Variants in PPARD observed in about 807,000 individuals in gnomAD.
The protein encoded by PPARD is peroxisome proliferator activated receptor delta.
In PPARD, 6 loss-of-function variants were observed where a neutral mutation model predicts 39.5. The ratio of observed to expected loss-of-function variants is 0.15; its 90% CI spans 0.08 to 0.30. The LOEUF (loss-of-function observed/expected upper bound fraction) is 0.30. PPARD is among the 10% of genes least tolerant of loss of function. The pLI is 1.00. For missense variants in PPARD, 397 were observed against 596.8 expected, an observed-to-expected ratio of 0.67 and a Z score of 3.49; for synonymous variants, 210 against 231.3, an observed-to-expected ratio of 0.91 and a Z score of 0.83.
chr6:35,424,072 A>G lies in PPARD; in HGVS notation c.551A>G (p.Asn184Ser). The G allele has an allele frequency of 1.2e-6, 2 of 1,614,122 alleles. No individual in the cohort carries two copies. Among genetic ancestry groups the G allele is most frequent in the East Asian group, 2.2e-5 (1 of 44,872 alleles). ...DLKAFSKHIY[N>S]AYLKNFNMTK... Reference sequence around the variant, plus strand: ...AAGGCCTTCTCCAAGCACATCTACAATGCCTACCTGAAAAACTTCAACATG... The same window carrying G: ...AAGGCCTTCTCCAAGCACATCTACAGTGCCTACCTGAAAAACTTCAACATG... The change falls in exon 6 of 8, where the codon AAT becomes AGT. Residue 184 changes from asparagine to serine, a missense_variant. Physicochemically the swap from Asn to Ser is conservative, Grantham distance 46. Coordinates refer to ENST00000360694, the MANE Select transcript of PPARD (RefSeq NM_006238.5). The surrounding 1 kb of genome is among the most constrained non-coding windows in gnomAD (Gnocchi z 7.1).
chr6:35,381,405 C>T lies in PPARD; in HGVS notation c.-101-29582C>T, dbSNP rs549060459. Among the ~76,000 whole-genome samples, 4 of 152,232 alleles carry T rather than the reference C, an allele frequency of 2.6e-5. No individual in the cohort carries two copies. In the East Asian group the frequency reaches 7.7e-4, roughly 29 times the overall value. On this transcript the variant is annotated intron_variant, in intron 2 of 7. Transcript: ENST00000360694. ...TAGGAATTCTATTTGGCAGCTAGAA[C>T]AGAAATAGCAGTGGCTTAAACCAGT...
At chr6:35,351,920 C>T (rs781718536) in intron 2 of PPARD, among the ~76,000 whole-genome samples, 9 of 131,180 alleles carry the variant, frequency 6.9e-5, no homozygotes, top group Non-Finnish European at 9.1e-5. Flanking sequence ...GGCTTGAGTG[C>T]GGTGGCACAG....
intron 2 of PPARD, among the ~76,000 whole-genome samples, chr6:35,378,290 G>T (rs1762936911): frequency 6.6e-6 from 1 of 152,154 alleles, no homozygotes; most frequent in Non-Finnish European, 1.5e-5. Flanking sequence ...TAATTGCATT[G>T]AATTTCTCTG....
In PPARD at chr6:35,355,271, G is replaced by A. The variant is rs183027986; in HGVS notation, c.-102+8121G>A. Among the ~76,000 whole-genome samples the A allele has an allele frequency of 7.3e-3, 1,114 of 152,114 alleles. 7 individuals are homozygous for A. The highest frequency in any genetic ancestry group is 0.017 in the Middle Eastern group (5 of 294). Reference sequence around the variant, plus strand: ...TTGAGACCAGCCTAGCCATCATGGGGAAACCCCATCTATACTAAAAATACA... The same window carrying A: ...TTGAGACCAGCCTAGCCATCATGGGAAAACCCCATCTATACTAAAAATACA... On this transcript the variant is annotated intron_variant, in intron 2 of 7. Coordinates refer to ENST00000360694, the MANE Select transcript of PPARD (RefSeq NM_006238.5).
intron 2 of PPARD, among the ~76,000 whole-genome samples, chr6:35,384,116 G>T (rs1763382304): frequency 6.9e-6 from 1 of 144,406 alleles, no homozygotes; most frequent in African/African-American, 2.6e-5. Flanking sequence ...CCGGCCAGCC[G>T]CCCCGTCCGG....
rs1766594198 is a variant in PPARD at position 35,426,641 on chromosome 6, T to C, written c.*562T>C. On this transcript the variant is annotated 3_prime_UTR_variant, in exon 8 of 8. Coordinates refer to ENST00000360694, the MANE Select transcript of PPARD (RefSeq NM_006238.5). The stretch of plus-strand genomic sequence containing the variant: ...TCTGGGCCTGGGTTCCAGGGAAGGC[T>C]AAGCATGGCCTGGACTGACTGCAGC... 6.2e-6 allele frequency: 1 copy of C among 161,908 alleles called. No homozygotes were observed. The highest frequency in any genetic ancestry group is 1.4e-5 in the Non-Finnish European group (1 of 73,938). 10.0% of individuals were successfully genotyped at this position (161,908 alleles called of 1,614,324 possible). A position where few individuals can be genotyped will look rare whatever the true frequency, so the allele number is the denominator to read the frequency against.
At chr6:35,347,289 C>T (rs1792241490) in intron 2 of PPARD, 139 bp downstream of exon 2, 1 of 1,038,412 alleles carries the variant, frequency 9.6e-7, no homozygotes, top group African/African-American at 1.6e-5. Flanking sequence ...CATCTGGTAC[C>T]AGTTGCTTAT....
chr6:35,345,915 C>T (rs533413958), intron 1 of PPARD, among the ~76,000 whole-genome samples: 32 of 128,122 alleles, frequency 2.5e-4, no homozygotes, highest in African/African-American at 8.6e-4. Context: ...CTCGCTCTGT[C>T]GCCCAGGCTG....
chr6:35,392,767 C>CCACCAG (rs1764087647), intron 2 of PPARD, among the ~76,000 whole-genome samples: 1 of 152,114 alleles, frequency 6.6e-6, no homozygotes, highest in Non-Finnish European at 1.5e-5. Context: ...TCTTAGTGAC[C>CCACCAG]TTCTGCTCTG....
At chr6:35,343,394 C>T (rs186925188) in intron 1 of PPARD, among the ~76,000 whole-genome samples, 6 of 152,258 alleles carry the variant, frequency 3.9e-5, no homozygotes, top group Admixed American at 3.9e-4. Flanking sequence ...TTCCGATTTC[C>T]TTCGTATCAA....
At chr6:35,409,524 C>CA (rs1765283039) in intron 2 of PPARD, among the ~76,000 whole-genome samples, 1 of 151,008 alleles carries the variant, frequency 6.6e-6, no homozygotes, top group Non-Finnish European at 1.5e-5. Flanking sequence ...ACAACAACAA[C>CA]AAAAAAACCC....
At chr6:35,365,339 A>G (rs575151491) in intron 2 of PPARD, among the ~76,000 whole-genome samples, 1 of 148,480 alleles carries the variant, frequency 6.7e-6, no homozygotes, top group African/African-American at 2.5e-5. Flanking sequence ...ACAGGGTTTC[A>G]CCGTGTTAGC....
At chr6:35,380,446 C>A (rs1285705034) in intron 2 of PPARD, among the ~76,000 whole-genome samples, 7 of 146,004 alleles carry the variant, frequency 4.8e-5, no homozygotes, top group African/African-American at 1.8e-4. Context: ...TACTCAGAGC[C>A]AATTAACCTC....
rs367657922 is a variant in PPARD, at chr6:35,378,096, TTG to T, written c.-102+30949_-102+30950del. On this transcript the variant is annotated intron_variant, in intron 2 of 7. Coordinates refer to ENST00000360694, the MANE Select transcript of PPARD (RefSeq NM_006238.5). ...CCAGGATGGTCTCCATCTCTTGACT[TTG>T]TGATCCGCCCGCCTCGGCCTCCCAA... Among the ~76,000 whole-genome samples the T allele has an allele frequency of 3.0e-4, 45 of 152,102 alleles. 1 individual carries two copies. In the East Asian group the frequency reaches 6.8e-3, roughly 23 times the overall value.
chr6:35,380,635 G>A (rs1763105766), intron 2 of PPARD, among the ~76,000 whole-genome samples: 1 of 151,930 alleles, frequency 6.6e-6, no homozygotes. Flanking sequence ...GGAACTACAG[G>A]CACATGCACC....
intron 2 of PPARD, among the ~76,000 whole-genome samples, chr6:35,395,908 G>T (rs1322713082): frequency 6.6e-6 from 1 of 152,132 alleles, no homozygotes; most frequent in East Asian, 1.9e-4. Flanking sequence ...TAAAACCTAA[G>T]GGAGTTACTC....
intron 3 of PPARD, 67 bp from the exon 4 acceptor site, chr6:35,420,060 C>T: frequency 6.4e-7 from 1 of 1,566,502 alleles, no homozygotes; most frequent in South Asian, 1.2e-5. Context: ...GGCTGTGGGG[C>T]TGTTCCCACG....
In PPARD at chr6:35,426,697, G is replaced by A. The variant is rs1766597041; in HGVS notation, c.*618G>A. On this transcript the variant is annotated 3_prime_UTR_variant, in exon 8 of 8. Coordinates refer to ENST00000360694, the MANE Select transcript of PPARD (RefSeq NM_006238.5). ...ATAGTCATGGGGTCCCTGCTGCAAA[G>A]GACAGTGGGCAGGAGGCCCCAGGCT... 1.3e-5 allele frequency: 2 copies of A among 153,656 alleles called. No individual in the cohort carries two copies. Among genetic ancestry groups the A allele is most frequent in the Admixed American group, 6.5e-5 (1 of 15,408 alleles). The allele number at this position is 153,656 out of a possible 1,614,324, so 9.5% of individuals were successfully genotyped here.
At chr6:35,352,966 G>A (rs1761353215) in intron 2 of PPARD, among the ~76,000 whole-genome samples, 1 of 152,184 alleles carries the variant, frequency 6.6e-6, no homozygotes, top group Admixed American at 6.5e-5. Flanking sequence ...ACACAAGGGT[G>A]TGAATACTAA....
Sources: gnomAD v4.1 joint callset for allele counts (sites outside exome capture counted in the v4.1 genomes callset) on GRCh38, gnomAD v4.1.1 for gene constraint, Gnocchi (gnomAD v3.1) non-coding constraint, MANE v1.5 for transcripts, NCBI Gene and HGNC (gene_info 2026-07-23, HGNC 2026-07-21) for gene names.